PTPRN2: variants seen among roughly 807,000 people sequenced by gnomAD.
The protein encoded by PTPRN2 is protein tyrosine phosphatase receptor type N2.
In PTPRN2, 74 loss-of-function variants were observed where a neutral mutation model predicts 118.8. The observed-to-expected ratio is 0.62, with a 90% CI of 0.52 to 0.76. The LOEUF (loss-of-function observed/expected upper bound fraction) is 0.76, where lower values mean the gene tolerates loss of function less well. Among genes scored for constraint, PTPRN2 ranks in the 30% least tolerant of loss-of-function variants. The pLI is 0.00. For missense variants in PTPRN2, 1,481 were observed against 1,394.4 expected, an observed-to-expected ratio of 1.06 and a Z score of -0.99; for synonymous variants, 641 against 608.0, an observed-to-expected ratio of 1.05 and a Z score of -0.80.
intron 2 of PTPRN2, among the ~76,000 whole-genome samples, chr7:158,457,902 T>C (rs1044529274): frequency 6.6e-6 from 1 of 152,242 alleles, no homozygotes; most frequent in East Asian, 1.9e-4. Flanking sequence ...ATTTACACCC[T>C]GAGTGTTCTC....
chr7:157,981,588 T>A (rs1803153734), intron 11 of PTPRN2, among the ~76,000 whole-genome samples: 2 of 150,786 alleles, frequency 1.3e-5, no homozygotes, highest in African/African-American at 4.8e-5. Context: ...TTCCATTTTT[T>A]TTTGTAGTAA....
intron 3 of PTPRN2, among the ~76,000 whole-genome samples, chr7:158,244,125 T>C (rs932459144): frequency 6.6e-6 from 1 of 152,202 alleles, no homozygotes; most frequent in African/African-American, 2.4e-5. Flanking sequence ...ACCCAGTCCC[T>C]GGGAAGAGAA....
At chr7:158,453,803 G>A (rs1308619325) in intron 2 of PTPRN2, among the ~76,000 whole-genome samples, 6 of 152,232 alleles carry the variant, frequency 3.9e-5, no homozygotes, top group Admixed American at 3.3e-4. Context: ...GGGAACCGAC[G>A]GAGACACTTA....
At position 157,898,700 on chromosome 7, in the gene PTPRN2, C is replaced by T; in HGVS notation, c.1761G>A (p.Leu587=). 6.2e-7 allele frequency: 1 copy of T among 1,607,864 alleles called. No individual in the cohort carries two copies. The highest frequency in any genetic ancestry group is 1.1e-5 in the South Asian group (1 of 90,956). Residue 587 remains leucine, a synonymous_variant, in exon 12 of 23, where the codon CTG becomes CTA. Transcript: ENST00000389418. ...NKDKLEETSG[L]KILQTGVGSK... ...ACCCGACTCCGGTTTGAAGAATTTT[C>T]AGTCCAGAGGTTTCCTCCAGTTTGT...
intron 1 of PTPRN2, among the ~76,000 whole-genome samples, chr7:158,511,523 C>CA (rs1210962259): frequency 6.6e-6 from 1 of 152,232 alleles, no homozygotes; most frequent in African/African-American, 2.4e-5. Context: ...AGGCCATCCA[C>CA]ACAGGCTGGT....
chr7:157,580,528 T>C (rs955949262), intron 17 of PTPRN2, among the ~76,000 whole-genome samples: 4 of 141,986 alleles, frequency 2.8e-5, no homozygotes, highest in African/African-American at 1.1e-4. Context: ...CCCCAGCACC[T>C]GCACACCCGA....
At chr7:158,076,566 T>G (rs1249879814) in intron 11 of PTPRN2, among the ~76,000 whole-genome samples, 29 of 152,264 alleles carry the variant, frequency 1.9e-4, no homozygotes, top group Admixed American at 1.9e-3. Context: ...TCTTAGTGGC[T>G]GCTGAAGATG....
chr7:158,502,309 G>A (rs760277920), intron 1 of PTPRN2, among the ~76,000 whole-genome samples: 1 of 152,138 alleles, frequency 6.6e-6, no homozygotes, highest in Non-Finnish European at 1.5e-5. Flanking sequence ...TGGCCTGAAA[G>A]GAAACAATTT....
chr7:157,644,923 C>A (rs185226017), intron 14 of PTPRN2, among the ~76,000 whole-genome samples: 10 of 152,366 alleles, frequency 6.6e-5, no homozygotes, highest in Admixed American at 4.6e-4. Flanking sequence ...AGCTACCCAG[C>A]CGGCTCCTTT....
chr7:158,328,262 A>T (rs1228428547), intron 2 of PTPRN2, among the ~76,000 whole-genome samples: 1 of 152,204 alleles, frequency 6.6e-6, no homozygotes. Context: ...GGAAGCAGGC[A>T]CTGGCTCACC....
chr7:158,285,492 A>G (rs983407506), intron 3 of PTPRN2, among the ~76,000 whole-genome samples: 2 of 152,114 alleles, frequency 1.3e-5, no homozygotes, highest in Admixed American at 1.3e-4. Flanking sequence ...TCCTCCATCC[A>G]TGCTGCTCCT....
chr7:157,930,899 G>GT (rs141068776), intron 11 of PTPRN2, among the ~76,000 whole-genome samples: 6,175 of 151,318 alleles, frequency 0.041, 299 homozygotes, highest in Admixed American at 0.14. Context: ...ATTTTTTTTC[G>GT]TTTTTTTTTG....
In PTPRN2 at chr7:158,279,240, G is replaced by A. The variant is rs185765982; in HGVS notation, c.277+37579C>T. 2.2e-3 allele frequency among the ~76,000 whole-genome samples: 341 copies of A among 152,336 alleles called. 2 individuals are homozygous for A. The Middle Eastern group carries it at 0.041, about 18-fold the overall frequency. ...AGGCTAACTGGTCCGTTTTGACAGA[G>A]TGCTGGTTGGTGCATTTACAAACCT... is the stretch of plus-strand genomic sequence containing the variant. On this transcript the variant is annotated intron_variant, in intron 3 of 22. Transcript: ENST00000389418.
rs535474332 is a variant in PTPRN2, at chr7:157,591,438, T to C, written c.2496+3800A>G. Among the ~76,000 whole-genome samples the C allele has an allele frequency of 2.1e-3, 313 of 152,336 alleles. 1 individual carries two copies. The highest frequency in any genetic ancestry group is 7.1e-3 in the African/African-American group (297 of 41,584). Reference sequence around the variant, plus strand: ...ATCTGAGAATGGTCCAGAATGGGGATGCAGGAGGAGACGGTCACTCCAACT... The same window carrying C: ...ATCTGAGAATGGTCCAGAATGGGGACGCAGGAGGAGACGGTCACTCCAACT... On this transcript the variant is annotated intron_variant, in intron 17 of 22. Coordinates refer to ENST00000389418, the MANE Select transcript of PTPRN2 (RefSeq NM_002847.5). This position sits in a 1 kb window ranked among gnomAD's most constrained non-coding sequence, Gnocchi z 4.4.
intron 12 of PTPRN2, among the ~76,000 whole-genome samples, chr7:157,759,447 C>T (rs920438064): frequency 4.6e-5 from 7 of 152,232 alleles, no homozygotes; most frequent in African/African-American, 7.2e-5. Context: ...TAGTGTCAGC[C>T]GCTTGGCCCA....
chr7:158,392,153 G>A (rs1000813330), intron 2 of PTPRN2, among the ~76,000 whole-genome samples: 5 of 152,102 alleles, frequency 3.3e-5, no homozygotes, highest in Non-Finnish European at 7.4e-5. Context: ...GGGAATGAGG[G>A]TGGACCTCCC....
chr7:158,000,338 G>A (rs1457472122), intron 11 of PTPRN2, among the ~76,000 whole-genome samples: 1 of 149,884 alleles, frequency 6.7e-6, no homozygotes, highest in Non-Finnish European at 1.5e-5. Context: ...AATTGCCAAG[G>A]CCCGTAAGAG....
chr7:158,569,301 G>T (rs1827835493), intron 1 of PTPRN2, among the ~76,000 whole-genome samples: 1 of 152,230 alleles, frequency 6.6e-6, no homozygotes, highest in Non-Finnish European at 1.5e-5. Context: ...GAACGCACCG[G>T]CTTTGGGTTG....
chr7:158,165,801 T>C (rs990379298), intron 6 of PTPRN2, among the ~76,000 whole-genome samples: 11 of 151,568 alleles, frequency 7.3e-5, no homozygotes, highest in Non-Finnish European at 1.5e-4. Context: ...TCACAAAGAG[T>C]CGCAGGAACC....
Sources: gnomAD v4.1 joint callset for allele counts (sites outside exome capture counted in the v4.1 genomes callset) on GRCh38, gnomAD v4.1.1 for gene constraint, Gnocchi (gnomAD v3.1) non-coding constraint, MANE v1.5 for transcripts, NCBI Gene and HGNC (gene_info 2026-07-23, HGNC 2026-07-21) for gene names.